Variants in RPGR observed in about 807,000 individuals in gnomAD.
The protein encoded by RPGR is retinitis pigmentosa GTPase regulator, also known as X-linked retinitis pigmentosa GTPase regulator.
RPGR carries 10 observed loss-of-function variants against 56.3 expected under a neutral mutation model. That is an observed-to-expected ratio of 0.18 (90% CI 0.11 to 0.30). The LOEUF (loss-of-function observed/expected upper bound fraction) is 0.30, where lower values mean the gene tolerates loss of function less well. Among genes scored for constraint, RPGR ranks in the 10% least tolerant of loss-of-function variants. The pLI is 1.00. For synonymous variants in RPGR, 197 were observed against 212.9 expected (o/e 0.93, Z 0.65); for missense variants, 538 against 590.9 (o/e 0.91, Z 0.93).
chrX:38,326,096 C>T (rs2068042447), intron 1 of RPGR, among the ~76,000 whole-genome samples: 1 of 112,082 alleles, frequency 8.9e-6, no homozygotes, highest in African/African-American at 3.2e-5. Context: ...AGAACAGACT[C>T]TGAGTTTCCC....
At chrX:38,272,964 A>AAATT (rs2066869564) in intron 18 of RPGR, among the ~76,000 whole-genome samples, 3 of 110,682 alleles carry the variant, frequency 2.7e-5, no homozygotes. Context: ...ACGATTTGTG[A>AAATT]TGTTAAAAAA....
At chrX:38,284,252 A>C (rs1440538707) in intron 15 of RPGR, among the ~76,000 whole-genome samples, 156 bp downstream of exon 15, 1 of 111,964 alleles carries the variant, frequency 8.9e-6, no homozygotes, top group Non-Finnish European at 1.9e-5. Flanking sequence ...TAGTTGAAAA[A>C]GGAGCCACAA....
chrX:38,297,367 T>G lies in RPGR; in HGVS notation c.1331A>C (p.Asn444Thr), dbSNP rs756926974. 23 of 1,206,607 alleles carry G rather than the reference T, an allele frequency of 1.9e-5. No individual in the cohort carries two copies. Among genetic ancestry groups the G allele is most frequent in the Non-Finnish European group, 2.3e-5 (21 of 893,782 alleles). The change falls in exon 11 of 19, where the codon AAT becomes ACT. Residue 444 changes from asparagine (N) to threonine (T), a missense_variant. Physicochemically the swap from Asn to Thr is moderately conservative, Grantham distance 65. Coordinates refer to ENST00000642395, the MANE Select transcript of RPGR (RefSeq NM_000328.3). ...CTCAGAACATCGTGGAAAGACTGAA[T>G]TGGGGAGAAAACAAGCAGAAAGGCC...
chrX:38,327,498 G>T lies in RPGR; in HGVS notation c.-131C>A, dbSNP rs918012075. ...CCAAGTTCCGCATGGCGAAACTCCG[G>T]AGATCAACTACAACCGCGCTCCCGG... On this transcript the variant is annotated 5_prime_UTR_variant, in exon 1 of 19. Transcript: ENST00000642395. 4.9e-6 allele frequency: 3 copies of T among 617,619 alleles called. 1 individual carries two copies. The highest frequency in any genetic ancestry group is 4.6e-5 in the African/African-American group (2 of 43,152). The allele number at this position is 617,619 out of a possible 1,213,427, so 50.9% of individuals were successfully genotyped here.
At chrX:38,319,881 T>C in intron 4 of RPGR, among the ~76,000 whole-genome samples, 1 of 112,175 alleles carries the variant, frequency 8.9e-6, no homozygotes, top group Non-Finnish European at 1.9e-5. Flanking sequence ...AATTATAAGG[T>C]GAAATGAGGG....
intron 1 of RPGR, chrX:38,326,696 C>T (rs2068051935): frequency 9.0e-6 from 1 of 111,287 alleles, no homozygotes; most frequent in Non-Finnish European, 1.9e-5. Context: ...GCATTCAATA[C>T]ATAACCGGGA....
At chrX:38,321,609 G>C (rs2067942072) in intron 3 of RPGR, among the ~76,000 whole-genome samples, 1 of 108,835 alleles carries the variant, frequency 9.2e-6, no homozygotes, top group Admixed American at 9.9e-5. Flanking sequence ...GCAGTAAGCA[G>C]AGATCACACC....
At chrX:38,276,924 T>A (rs1174161464) in intron 15 of RPGR, 4 of 473,453 alleles carry the variant, frequency 8.4e-6, no homozygotes, top group African/African-American at 7.3e-5. Context: ...TACTGTACAG[T>A]CCATGCTGAA....
Position 38,291,443 on chromosome X carries a change from T to C in RPGR, c.1456A>G (p.Asn486Asp). The C allele has an allele frequency of 8.6e-7, 1 of 1,167,933 alleles. No individual in the cohort carries two copies. Among genetic ancestry groups the C allele is most frequent in the Non-Finnish European group, 1.2e-6 (1 of 857,484 alleles). ...CCAAGGCTTTCTACAGTTGAAGAAT[T>C]ATCTATCTCTGCTTCTTTGGTCATT... is the stretch of plus-strand genomic sequence containing the variant. Residue 486 changes from asparagine to aspartate, a missense_variant, in exon 12 of 19, where the codon AAT becomes GAT. By Grantham distance (23) the Asn-to-Asp change is conservative. Coordinates refer to ENST00000642395, the MANE Select transcript of RPGR (RefSeq NM_000328.3).
Position 38,327,488 on chromosome X carries a change from C to G in RPGR, c.-121G>C. The G allele has an allele frequency of 1.4e-6, 1 of 692,844 alleles. No homozygotes were observed. The allele number at this position is 692,844 out of a possible 1,213,427, so 57.1% of individuals were successfully genotyped here. On this transcript the variant is annotated 5_prime_UTR_variant, in exon 1 of 19. Coordinates refer to ENST00000642395, the MANE Select transcript of RPGR (RefSeq NM_000328.3). ...GCGAAAGCCCCCAAGTTCCGCATGG[C>G]GAAACTCCGGAGATCAACTACAACC...
chrX:38,301,816 T>C (rs1351148452), intron 8 of RPGR, among the ~76,000 whole-genome samples: 7 of 111,259 alleles, frequency 6.3e-5, no homozygotes, highest in African/African-American at 2.3e-4. Context: ...AGATAATTCA[T>C]GGTCGTGTGG....
At chrX:38,303,907 A>AT in intron 8 of RPGR, 1 of 290,482 alleles carries the variant, frequency 3.4e-6, no homozygotes, top group Non-Finnish European at 6.0e-6. Context: ...GCTTCACTTC[A>AT]TATTTAGACA....
Position 38,269,604 on chromosome X carries a change from CTG to C in RPGR, c.*20_*21del. ...GTATACATTACAATACACTTGGTGA[CTG>C]TGAAAACATAAATATATATTTATAG... On this transcript the variant is annotated 3_prime_UTR_variant, in exon 19 of 19. Transcript: ENST00000642395. 2 of 1,093,597 alleles carry C rather than the reference CTG, an allele frequency of 1.8e-6. No homozygotes were observed. The highest frequency in any genetic ancestry group is 2.5e-6 in the Non-Finnish European group (2 of 790,360). The allele number at this position is 1,093,597 out of a possible 1,213,427, so 90.1% of individuals were successfully genotyped here.
intron 1 of RPGR, among the ~76,000 whole-genome samples, chrX:38,326,485 G>A (rs1231873380): frequency 9.0e-6 from 1 of 111,637 alleles, no homozygotes; most frequent in Non-Finnish European, 1.9e-5. Flanking sequence ...GATAGAACAA[G>A]GACTGCTTCA....
chrX:38,284,043 C>A (rs922449893), intron 15 of RPGR, among the ~76,000 whole-genome samples: 1 of 111,667 alleles, frequency 9.0e-6, no homozygotes, highest in Non-Finnish European at 1.9e-5. Flanking sequence ...GCAAAACTTA[C>A]AATTGCTCCT....
In RPGR at chrX:38,284,917, T is replaced by G. The variant is rs186269331; in HGVS notation, c.1905+2177A>C. ...TTAGATATACTACCATCTGCCCAGATAGTAACTAAAAGAGATCACGTTTTT... is the reference window on the plus strand; with the variant it reads ...TTAGATATACTACCATCTGCCCAGAGAGTAACTAAAAGAGATCACGTTTTT... On this transcript the variant is annotated intron_variant, in intron 15 of 18. Coordinates refer to ENST00000642395, the MANE Select transcript of RPGR (RefSeq NM_000328.3). The G allele has an allele frequency of 3.8e-3, 2,843 of 750,145 alleles. 9 individuals carry two copies. Among genetic ancestry groups the G allele is most frequent in the Non-Finnish European group, 4.2e-3 (2,660 of 636,609 alleles). 61.8% of individuals were successfully genotyped at this position (750,145 alleles called of 1,213,427 possible).
At chrX:38,274,824 A>G (rs181132725) in intron 17 of RPGR, among the ~76,000 whole-genome samples, 4 of 112,165 alleles carry the variant, frequency 3.6e-5, no homozygotes, top group Non-Finnish European at 7.5e-5. Context: ...TCAAAAAAAA[A>G]TAAAAAATTC....
intron 6 of RPGR, among the ~76,000 whole-genome samples, chrX:38,311,571 T>C (rs1196227338): frequency 8.9e-6 from 1 of 112,088 alleles, no homozygotes; most frequent in African/African-American, 3.2e-5. Flanking sequence ...GAGAGAACCA[T>C]GATTGATCCT....
rs748716205 is a variant in RPGR, at chrX:38,321,007, A to C, written c.310+20T>G. Reference sequence around the variant, plus strand: ...AGTTCTCAAAGTCAGGCAGGAAATCATACAGGTTGAGCACTATACCTGTTG... The same window carrying C: ...AGTTCTCAAAGTCAGGCAGGAAATCCTACAGGTTGAGCACTATACCTGTTG... On this transcript the variant is annotated intron_variant, in intron 4 of 18. Coordinates refer to ENST00000642395, the MANE Select transcript of RPGR (RefSeq NM_000328.3). 2 of 1,161,398 alleles carry C rather than the reference A, an allele frequency of 1.7e-6. No individual in the cohort carries two copies. The highest frequency in any genetic ancestry group is 2.4e-6 in the Non-Finnish European group (2 of 850,569).
Sources: gnomAD v4.1 joint callset for allele counts (sites outside exome capture counted in the v4.1 genomes callset) on GRCh38, gnomAD v4.1.1 for gene constraint, MANE v1.5 for transcripts, NCBI Gene and HGNC (gene_info 2026-07-23, HGNC 2026-07-21) for gene names.